The following SKOR1 variants were observed in gnomAD, a reference collection of about 807,000 sequenced individuals.
SKOR1 encodes SKI family transcriptional corepressor 1, also known as LBX1 corepressor 1.
Under a neutral mutation model 72.4 loss-of-function variants are expected in SKOR1, and 38 were observed. That is an observed-to-expected ratio of 0.52 (90% CI 0.40 to 0.69). SKOR1 has a LOEUF of 0.69. Among genes scored for constraint, SKOR1 ranks in the 30% least tolerant of loss-of-function variants. SKOR1 has a pLI of 0.00. For missense variants in SKOR1, 1,320 were observed against 1,343.2 expected (o/e 0.98, Z 0.27); for synonymous variants, 642 against 599.4 (o/e 1.07, Z -1.04).
chr15:67,827,881 G>A lies in SKOR1; in HGVS notation c.2053G>A (p.Ala685Thr). The A allele has an allele frequency of 6.2e-7, 1 of 1,600,442 alleles. No individual in the cohort carries two copies. The highest frequency in any genetic ancestry group is 1.1e-5 in the South Asian group (1 of 88,984). Residue 685 changes from alanine to threonine, a missense_variant, in exon 2 of 9, where the codon GCA (alanine) becomes ACA (threonine). By Grantham distance (58) the Ala-to-Thr change is moderately conservative (BLOSUM62 0). Around this residue, in one of 3 missense-constraint regions of SKOR1, gnomAD observed 1,099 missense variants for 1,025.5 expected, o/e 1.07. Coordinates refer to ENST00000380035, the MANE Select transcript of SKOR1 (RefSeq NM_001365915.1). ...GGAGACCGAGCCCAGCGCACCCAGC[G>A]CAGGGGGCGGCCCAGACGGTGAACA... is the stretch of plus-strand genomic sequence containing the variant. ...QEETEPSAPS[A>T]GGGPDGEQPT...
At position 67,831,903 on chromosome 15, in the gene SKOR1, C is replaced by CCGGGGGGGGGGGGGGGGGGG. The variant is rs1476265010; in HGVS notation, c.2588-371_2588-370insCGGGGGGGGGGGGGGGGGGG. ...GATTTATATTGAAAGGGCGGCGGTG[C>CCGGGGGGGGGGGGGGGGGGG]GGGGGGGGGAGGTCGGGGCCGGGGC... On this transcript the variant is annotated intron_variant, in intron 5 of 8. Transcript: ENST00000380035. 1.4e-4 allele frequency among the ~76,000 whole-genome samples: 4 copies of CCGGGGGGGGGGGGGGGGGGG among 28,754 alleles called. 1 individual carries two copies. Among genetic ancestry groups the CCGGGGGGGGGGGGGGGGGGG allele is most frequent in the Admixed American group, 6.1e-4 (2 of 3,304 alleles). The allele number at this position is 28,754 out of a possible 152,430, so 18.9% of individuals were successfully genotyped here.
chr15:67,833,064 C>CT lies in SKOR1; in HGVS notation c.2738-127dup. 1 of 925,420 alleles carries CT rather than the reference C, an allele frequency of 1.1e-6. No homozygotes were observed. Among genetic ancestry groups the CT allele is most frequent in the East Asian group, 2.6e-5 (1 of 38,008 alleles). The allele number at this position is 925,420 out of a possible 1,614,324, so 57.3% of individuals were successfully genotyped here. On this transcript the variant is annotated intron_variant, in intron 7 of 8. Transcript: ENST00000380035. This position sits in a 1 kb window ranked among gnomAD's most constrained non-coding sequence, Gnocchi z 6.0. The stretch of plus-strand genomic sequence containing the variant: ...CTGCAGTTAGGAGCTCCGGTACCCC[C>CT]TCCCCCATCCCTGGAGTTGTTTCTG...
Position 67,827,981 on chromosome 15 carries a change from G to C in SKOR1, c.2153G>C (p.Arg718Pro). Residue 718 changes from arginine to proline, a missense_variant, in exon 2 of 9, where the codon CGC becomes CCC. By Grantham distance (103) the Arg-to-Pro change is moderately radical (BLOSUM62 -2). This residue lies in a region of SKOR1 where 1,099 missense variants were observed against 1,025.5 expected (regional missense o/e 1.07). Transcript: ENST00000380035. ...PANSPDGGSPRPRRRLGPPPA... is the reference protein window; with the variant it reads ...PANSPDGGSPPPRRRLGPPPA... ...AACTCTCCCGACGGCGGCAGCCCCCGCCCCCGGCGCCGCCTCGGGCCACCC... is the reference window on the plus strand; with the variant it reads ...AACTCTCCCGACGGCGGCAGCCCCCCCCCCCGGCGCCGCCTCGGGCCACCC... 1.3e-6 allele frequency: 2 copies of C among 1,538,600 alleles called. No individual in the cohort carries two copies. Among genetic ancestry groups the C allele is most frequent in the South Asian group, 1.2e-5 (1 of 83,452 alleles).
Position 67,830,313 on chromosome 15 carries a change from G to A in SKOR1, c.2515+15G>A. ...TACAGACAGAGGTGAGCCAGCCCTT[G>A]AACCCATCGCTCTCCACCGCACCCA... On this transcript the variant is annotated intron_variant, in intron 4 of 8. Coordinates refer to ENST00000380035, the MANE Select transcript of SKOR1 (RefSeq NM_001365915.1). The A allele has an allele frequency of 6.2e-7, 1 of 1,611,198 alleles. No individual in the cohort carries two copies.
Position 67,827,563 on chromosome 15 carries a change from C to T in SKOR1, c.1735C>T (p.Pro579Ser), listed in dbSNP as rs766249577. ...EALPPPLAPL[P>S]PPPPPPARKG... ...GCTGCCACCGCCCCTGGCCCCGTTG[C>T]CCCCGCCGCCCCCGCCGCCCGCACG... The change falls in exon 2 of 9, where the codon CCC becomes TCC. Residue 579 changes from proline (P) to serine (S), a missense_variant. Transcript: ENST00000380035. The T allele has an allele frequency of 2.6e-6, 4 of 1,515,416 alleles. No homozygotes were observed. Among genetic ancestry groups the T allele is most frequent in the African/African-American group, 1.4e-5 (1 of 71,004 alleles). The allele number at this position is 1,515,416 out of a possible 1,614,324, so 93.9% of individuals were successfully genotyped here.
At position 67,826,092 on chromosome 15, in the gene SKOR1, G is replaced by A; in HGVS notation, c.264G>A (p.Val88=). 1 of 1,599,896 alleles carries A rather than the reference G, an allele frequency of 6.3e-7. No homozygotes were observed. The highest frequency in any genetic ancestry group is 8.5e-7 in the Non-Finnish European group (1 of 1,170,298). ...GETSLYGVPI[V]SLVIDGQERL... ...CGTCGCTGTACGGGGTGCCCATTGT[G>A]TCGCTGGTCATCGACGGCCAGGAGC... The change falls in exon 2 of 9, where the codon GTG becomes GTA. Residue 88 remains valine (V), a synonymous_variant. Transcript: ENST00000380035.
In SKOR1 at chr15:67,827,282, A is replaced by G; in HGVS notation, c.1454A>G (p.Tyr485Cys). ...GCAGCGGCCGCCGCCGCCACTGTGT[A>G]CCCGACGTTTCCCATGTTCTGGCCA... ...VAAAAAAATV[Y>C]PTFPMFWPAA... Residue 485 changes from tyrosine (Y) to cysteine (C), a missense_variant, in exon 2 of 9, where the codon TAC becomes TGC. By Grantham distance (194) the Tyr-to-Cys change is radical. Transcript: ENST00000380035. The G allele has an allele frequency of 6.3e-7, 1 of 1,584,986 alleles. No homozygotes were observed. Among genetic ancestry groups the G allele is most frequent in the Non-Finnish European group, 8.5e-7 (1 of 1,173,710 alleles).
rs1178583785 is a variant in SKOR1 at position 67,833,059 on chromosome 15, A to G, written c.2738-133A>G. Reference sequence around the variant, plus strand: ...CCAGTCTGCAGTTAGGAGCTCCGGTACCCCCTCCCCCATCCCTGGAGTTGT... The same window carrying G: ...CCAGTCTGCAGTTAGGAGCTCCGGTGCCCCCTCCCCCATCCCTGGAGTTGT... On this transcript the variant is annotated intron_variant, in intron 7 of 8. Coordinates refer to ENST00000380035, the MANE Select transcript of SKOR1 (RefSeq NM_001365915.1). The surrounding 1 kb of genome is among the most constrained non-coding windows in gnomAD (Gnocchi z 6.0). 8.0e-6 allele frequency: 7 copies of G among 878,892 alleles called. No homozygotes were observed. Among genetic ancestry groups the G allele is most frequent in the Non-Finnish European group, 1.3e-5 (7 of 549,056 alleles). 54.4% of individuals were successfully genotyped at this position (878,892 alleles called of 1,614,324 possible).
Position 67,827,062 on chromosome 15 carries a change from C to A in SKOR1, c.1234C>A (p.Pro412Thr). The change falls in exon 2 of 9, where the codon CCG (proline) becomes ACG (threonine). Residue 412 changes from proline (P) to threonine (T), a missense_variant. Physicochemically the swap from Pro to Thr is conservative, Grantham distance 38. This residue lies in a region of SKOR1 where 1,099 missense variants were observed against 1,025.5 expected (regional missense o/e 1.07). Coordinates refer to ENST00000380035, the MANE Select transcript of SKOR1 (RefSeq NM_001365915.1). ...AFGLCPKKDD[P>T]VLGAGEPKGG... The stretch of plus-strand genomic sequence containing the variant: ...CGGCCTATGCCCCAAAAAGGACGAC[C>A]CGGTTTTAGGCGCGGGCGAGCCAAA... 6 of 1,543,354 alleles carry A rather than the reference C, an allele frequency of 3.9e-6. No homozygotes were observed. The highest frequency in any genetic ancestry group is 3.5e-6 in the Non-Finnish European group (4 of 1,152,172).
chr15:67,826,724 A>G lies in SKOR1; in HGVS notation c.896A>G (p.Lys299Arg), dbSNP rs1434609054. 2 of 1,543,660 alleles carry G rather than the reference A, an allele frequency of 1.3e-6. No individual in the cohort carries two copies. The highest frequency in any genetic ancestry group is 2.4e-5 in the East Asian group (1 of 40,974). ...AATGGCGGGTCGGGTGGGCAGGGGA[A>G]GGGTGGTGCTGGCGGCGGTGGCGGC... is the stretch of plus-strand genomic sequence containing the variant. ...GANGGSGGQGKGGAGGGGGGG... is the reference protein window; with the variant it reads ...GANGGSGGQGRGGAGGGGGGG... Residue 299 changes from lysine (K) to arginine (R), a missense_variant, in exon 2 of 9, where the codon AAG (lysine) becomes AGG (arginine). Physicochemically the swap from Lys to Arg is conservative, Grantham distance 26. Coordinates refer to ENST00000380035, the MANE Select transcript of SKOR1 (RefSeq NM_001365915.1).
intron 4 of SKOR1, 43 bp from the exon 5 acceptor site, chr15:67,830,775 C>T: frequency 6.2e-7 from 1 of 1,603,966 alleles, no homozygotes; most frequent in Non-Finnish European, 8.5e-7. Flanking sequence ...CTCTCAAGGG[C>T]TTTCCTAGGA....
At chr15:67,830,718 G>A (rs1046637044) in intron 4 of SKOR1, 100 bp from the exon 5 acceptor site, 8 of 1,102,590 alleles carry the variant, frequency 7.3e-6, no homozygotes, top group African/African-American at 3.1e-5. Flanking sequence ...AGAAGGTCTA[G>A]GGTAGGTCCC....
rs2090973755 is a variant in SKOR1, at chr15:67,827,641, A to G, written c.1813A>G (p.Ile605Val). The change falls in exon 2 of 9, where the codon ATC becomes GTC. Residue 605 changes from isoleucine to valine, a missense_variant. Physicochemically the swap from Ile to Val is conservative, Grantham distance 29 (BLOSUM62 3). This residue lies in a region of SKOR1 where 1,099 missense variants were observed against 1,025.5 expected (regional missense o/e 1.07). Transcript: ENST00000380035. ...FRPVVKDTES[I>V]AKLYGSAREA... ...GCCGGTGGTCAAGGACACCGAGAGC[A>G]TCGCTAAGCTCTACGGGAGCGCCCG... is the stretch of plus-strand genomic sequence containing the variant. The G allele has an allele frequency of 3.3e-6, 5 of 1,531,052 alleles. No individual in the cohort carries two copies. Among genetic ancestry groups the G allele is most frequent in the Non-Finnish European group, 4.4e-6 (5 of 1,144,176 alleles). The allele number at this position is 1,531,052 out of a possible 1,614,324, so 94.8% of individuals were successfully genotyped here. A position where few individuals can be genotyped will look rare whatever the true frequency, so the allele number is the denominator to read the frequency against.
chr15:67,828,432 C>T (rs2090983053), intron 2 of SKOR1, among the ~76,000 whole-genome samples: 1 of 152,126 alleles, frequency 6.6e-6, no homozygotes, highest in African/African-American at 2.4e-5. Flanking sequence ...CTGAGACTGC[C>T]AGACACAGAG....
At chr15:67,830,497 T>G (rs1253497271) in intron 4 of SKOR1, among the ~76,000 whole-genome samples, 199 bp downstream of exon 4, 1 of 151,924 alleles carries the variant, frequency 6.6e-6, no homozygotes, top group Non-Finnish European at 1.5e-5. Context: ...CCTTGGTGGG[T>G]TTGAGGTTCT....
chr15:67,830,804 C>G lies in SKOR1; in HGVS notation c.2516-14C>G, dbSNP rs757185146. The G allele has an allele frequency of 6.2e-7, 1 of 1,614,024 alleles. No homozygotes were observed. The highest frequency in any genetic ancestry group is 8.5e-7 in the Non-Finnish European group (1 of 1,179,880). ...CCTAGGACAGAACCCCTCTTACCTG[C>G]CCCTGTATCCCAGGCGAAGATGGGC... On this transcript the variant is annotated splice_polypyrimidine_tract_variant and intron_variant, in intron 4 of 8. Transcript: ENST00000380035.
Position 67,827,341 on chromosome 15 carries a change from G to C in SKOR1, c.1513G>C (p.Ala505Pro), listed in dbSNP as rs775781355. ...CAGCCTCCCGGTACCGTCCTACCCCGCTGCTCAGAGCCAAGCCAAGGCCGT... is the reference window on the plus strand; with the variant it reads ...CAGCCTCCCGGTACCGTCCTACCCCCCTGCTCAGAGCCAAGCCAAGGCCGT... ...AGSLPVPSYP[A>P]AQSQAKAVAA... is the part of the protein sequence containing the mutation. The change falls in exon 2 of 9, where the codon GCT becomes CCT. Residue 505 changes from alanine (A) to proline (P), a missense_variant. Ala to Pro is a conservative substitution (Grantham distance 27, BLOSUM62 -1). Around this residue, in one of 3 missense-constraint regions of SKOR1, gnomAD observed 1,099 missense variants for 1,025.5 expected, o/e 1.07. Coordinates refer to ENST00000380035, the MANE Select transcript of SKOR1 (RefSeq NM_001365915.1). The C allele has an allele frequency of 3.2e-5, 51 of 1,585,976 alleles. No homozygotes were observed. Among genetic ancestry groups the C allele is most frequent in the Non-Finnish European group, 4.3e-5 (50 of 1,174,586 alleles).
Position 67,833,108 on chromosome 15 carries a change from G to T in SKOR1, c.2738-84G>T. On this transcript the variant is annotated intron_variant, in intron 7 of 8. Transcript: ENST00000380035. This position sits in a 1 kb window ranked among gnomAD's most constrained non-coding sequence, Gnocchi z 6.0. ...GTTTCTGCGCGGAGCTTAGCCCTGG[G>T]GAGAGGAGGAAGCCCGGGCTGTGAC... The T allele has an allele frequency of 7.0e-7, 1 of 1,438,592 alleles. No individual in the cohort carries two copies. The highest frequency in any genetic ancestry group is 2.3e-5 in the East Asian group (1 of 43,276). 89.1% of individuals were successfully genotyped at this position (1,438,592 alleles called of 1,614,324 possible).
chr15:67,828,382 T>A (rs1348304965), intron 2 of SKOR1, among the ~76,000 whole-genome samples: 2 of 151,990 alleles, frequency 1.3e-5, no homozygotes, highest in Admixed American at 1.3e-4. Context: ...GGGGAACTTG[T>A]GTGCTTTGTT....
Sources: allele counts gnomAD v4.1 joint callset (sites outside exome capture counted in the v4.1 genomes callset), GRCh38; gene constraint gnomAD v4.1.1; regional missense constraint gnomAD v4.1.1; non-coding constraint Gnocchi (gnomAD v3.1); transcripts MANE v1.5; gene names NCBI Gene and HGNC (gene_info 2026-07-23, HGNC 2026-07-21).